The following DYNC2H1 variants were observed in gnomAD, a reference collection of about 807,000 sequenced individuals.
DYNC2H1 encodes the protein cytoplasmic dynein 2 heavy chain 1.
DYNC2H1 carries 410 observed loss-of-function variants against 570.0 expected under a neutral mutation model. The observed-to-expected ratio is 0.72, with a 90% confidence interval of 0.66 to 0.78. The LOEUF (loss-of-function observed/expected upper bound fraction) is 0.78. Among genes scored for constraint, DYNC2H1 ranks in the 30% least tolerant of loss-of-function variants. The pLI is 0.00. For missense variants in DYNC2H1, 4,865 were observed against 5,046.4 expected, an observed-to-expected ratio of 0.96 and a Z score of 1.09; for synonymous variants, 1,688 against 1,677.6, an observed-to-expected ratio of 1.01 and a Z score of -0.15.
chr11:103,303,104 G>A lies in DYNC2H1; in HGVS notation c.11107G>A (p.Val3703Met). The stretch of plus-strand genomic sequence containing the variant: ...AATATATATTTTAGGACTGAAAGAG[G>A]TGTCCCCACTGCCTCTAAATCTCAA... ...FACKTLGLKE[V>M]SPLPLNLKRL... Residue 3703 changes from valine to methionine, a missense_variant, in exon 76 of 89, where the codon GTG becomes ATG. Coordinates refer to ENST00000375735, the MANE Select transcript of DYNC2H1 (RefSeq NM_001377.3). 2 of 1,558,580 alleles carry A rather than the reference G, an allele frequency of 1.3e-6. No individual in the cohort carries two copies. The highest frequency in any genetic ancestry group is 1.7e-6 in the Non-Finnish European group (2 of 1,151,910).
intron 85 of DYNC2H1, among the ~76,000 whole-genome samples, chr11:103,450,891 C>G (rs1187040266): frequency 1.3e-5 from 2 of 152,080 alleles, no homozygotes; most frequent in African/African-American, 2.4e-5. Flanking sequence ...CCATATTTTT[C>G]TATGTATTTA....
At chr11:103,150,085 G>A (rs1860461080) in intron 20 of DYNC2H1, among the ~76,000 whole-genome samples, 1 of 152,186 alleles carries the variant, frequency 6.6e-6, no homozygotes, top group Non-Finnish European at 1.5e-5. Context: ...TATTAAAAGA[G>A]CATAGTATTC....
Position 103,280,547 on chromosome 11 carries a change from G to A in DYNC2H1, c.10761+134G>A, listed in dbSNP as rs546908962. On this transcript the variant is annotated intron_variant, in intron 71 of 88. Transcript: ENST00000375735. This position sits in a 1 kb window ranked among gnomAD's most constrained non-coding sequence, Gnocchi z 4.7. ...ATTAATCTTTTACTAAGTTAGAAAT[G>A]TAGTATAAAATGGTGATTCCTAGTT... The A allele has an allele frequency of 3.6e-4, 292 of 819,472 alleles. 1 individual carries two copies. The highest frequency in any genetic ancestry group is 4.4e-4 in the Admixed American group (19 of 43,292). The allele number at this position is 819,472 out of a possible 1,614,324, so 50.8% of individuals were successfully genotyped here.
rs1864593568 is a variant in DYNC2H1 at position 103,245,867 on chromosome 11, C to T, written c.10042+493C>T. 6.6e-6 allele frequency among the ~76,000 whole-genome samples: 1 copy of T among 152,100 alleles called. No individual in the cohort carries two copies. The highest frequency in any genetic ancestry group is 1.5e-5 in the Non-Finnish European group (1 of 67,990). ...AGCCCAGTCTTGGATGATTAGAAGG[C>T]TATGCCTTGAAACTTAAAGAGCATA... On this transcript the variant is annotated intron_variant, in intron 65 of 88. Coordinates refer to ENST00000375735, the MANE Select transcript of DYNC2H1 (RefSeq NM_001377.3). The surrounding 1 kb of genome is among the most constrained non-coding windows in gnomAD (Gnocchi z 4.5).
chr11:103,476,034 T>C (rs984854277), intron 88 of DYNC2H1, among the ~76,000 whole-genome samples: 1 of 152,212 alleles, frequency 6.6e-6, no homozygotes, highest in African/African-American at 2.4e-5. Flanking sequence ...TTCAGATCAC[T>C]TCAGTCTAAC....
Position 103,383,241 on chromosome 11 carries a change from T to C in DYNC2H1, c.12157-16422T>C, listed in dbSNP as rs529368366. ...GAAGTTCCTTTTCCTCTATTCCTGCTTCACGTTCTTGTATAGAAATTCCAC... is the reference window on the plus strand; with the variant it reads ...GAAGTTCCTTTTCCTCTATTCCTGCCTCACGTTCTTGTATAGAAATTCCAC... On this transcript the variant is annotated intron_variant, in intron 83 of 88. Coordinates refer to ENST00000375735, the MANE Select transcript of DYNC2H1 (RefSeq NM_001377.3). 2.0e-5 allele frequency among the ~76,000 whole-genome samples: 3 copies of C among 152,306 alleles called. No homozygotes were observed. The East Asian group carries it at 5.8e-4, about 29-fold the overall frequency.
intron 78 of DYNC2H1, among the ~76,000 whole-genome samples, chr11:103,309,237 C>T (rs754582891): frequency 1.2e-4 from 15 of 127,136 alleles, no homozygotes; most frequent in Non-Finnish European, 1.3e-4. Flanking sequence ...TGCAGTGATG[C>T]TATCACAGCT....
chr11:103,216,559 A>T (rs1863391995), intron 55 of DYNC2H1, among the ~76,000 whole-genome samples: 1 of 152,100 alleles, frequency 6.6e-6, no homozygotes, highest in Non-Finnish European at 1.5e-5. Flanking sequence ...TGGGAAGCCG[A>T]GTGGGAAGAT....
At chr11:103,274,434 A>G (rs1865830245) in intron 70 of DYNC2H1, among the ~76,000 whole-genome samples, 2 of 152,186 alleles carry the variant, frequency 1.3e-5, no homozygotes, top group Admixed American at 1.3e-4. Context: ...ATATCATTAA[A>G]TGATAACGTT....
chr11:103,402,175 A>C (rs886459478), intron 84 of DYNC2H1: 2 of 152,188 alleles, frequency 1.3e-5, no homozygotes, highest in Non-Finnish European at 2.9e-5. Flanking sequence ...CCCTGATGCA[A>C]GTAATACAGA....
In DYNC2H1 at chr11:103,461,366, C is replaced by T. The variant is rs76029510; in HGVS notation, c.12648+5010C>T. Among the ~76,000 whole-genome samples the T allele has an allele frequency of 0.023, 3,528 of 152,152 alleles. 84 individuals carry two copies. Among genetic ancestry groups the T allele is most frequent in the African/African-American group, 0.055 (2,295 of 41,500 alleles). On this transcript the variant is annotated intron_variant, in intron 87 of 88. Transcript: ENST00000375735. This position sits in a 1 kb window ranked among gnomAD's most constrained non-coding sequence, Gnocchi z 4.8. ...ACAGTGAGGCTGTAGTTCTCCAAAC[C>T]GATCAATATCTTAAACCCTTTAGAC... is the stretch of plus-strand genomic sequence containing the variant.
At chr11:103,354,177 AAAAC>A (rs1166693776) in intron 82 of DYNC2H1, among the ~76,000 whole-genome samples, 6 of 127,432 alleles carry the variant, frequency 4.7e-5, no homozygotes, top group African/African-American at 6.6e-5. Context: ...GCTCTGTCTC[AAAAC>A]AAAAAAAAAA....
Position 103,205,093 on chromosome 11 carries a change from GAAA to G in DYNC2H1, c.8454+130_8454+132del. ...TGGCACCAAACATCTCTTATGTTTGGAAATGTCTGTTTTCTTCGTACTCTTGCA... is the reference window on the plus strand; with the variant it reads ...TGGCACCAAACATCTCTTATGTTTGGTGTCTGTTTTCTTCGTACTCTTGCA... On this transcript the variant is annotated intron_variant, in intron 52 of 88. Transcript: ENST00000375735. This position sits in a 1 kb window ranked among gnomAD's most constrained non-coding sequence, Gnocchi z 4.5. 2.4e-6 allele frequency: 2 copies of G among 820,766 alleles called. No homozygotes were observed. Among genetic ancestry groups the G allele is most frequent in the Non-Finnish European group, 3.6e-6 (2 of 553,256 alleles). 50.8% of individuals were successfully genotyped at this position (820,766 alleles called of 1,614,324 possible). A position where few individuals can be genotyped will look rare whatever the true frequency, so the allele number is the denominator to read the frequency against.
intron 87 of DYNC2H1, among the ~76,000 whole-genome samples, chr11:103,458,007 ATTT>A (rs1344653748): frequency 6.6e-6 from 1 of 152,198 alleles, no homozygotes; most frequent in East Asian, 1.9e-4. Context: ...GAAGAAAATT[ATTT>A]TTAACAAATT....
intron 40 of DYNC2H1, among the ~76,000 whole-genome samples, chr11:103,183,475 C>T (rs566171302): frequency 2.0e-5 from 3 of 151,842 alleles, no homozygotes; most frequent in South Asian, 2.1e-4. Context: ...GAGGTCACAC[C>T]GCTGTTTGTT....
chr11:103,127,298 A>T (rs542907311), intron 12 of DYNC2H1, among the ~76,000 whole-genome samples: 1 of 152,236 alleles, frequency 6.6e-6, no homozygotes, highest in Non-Finnish European at 1.5e-5. Context: ...TGGAAGAACA[A>T]CTGGGAAAAT....
chr11:103,302,125 A>T (rs2015193), intron 75 of DYNC2H1, among the ~76,000 whole-genome samples: 47,175 of 151,908 alleles, frequency 0.31, 7,705 homozygotes, highest in Non-Finnish European at 0.36. Flanking sequence ...TCTGAATAGG[A>T]CTTTATAGTT....
intron 84 of DYNC2H1, among the ~76,000 whole-genome samples, chr11:103,423,224 T>G (rs1174426923): frequency 6.7e-6 from 1 of 150,270 alleles, no homozygotes; most frequent in African/African-American, 2.4e-5. Flanking sequence ...AATCAATGGA[T>G]TGGAATGGAT....
intron 84 of DYNC2H1, chr11:103,406,770 G>A (rs1942880457): frequency 6.6e-6 from 1 of 151,604 alleles, no homozygotes; most frequent in Non-Finnish European, 1.5e-5. Context: ...CACCATAATG[G>A]ATAAAATTGT....
Sources: gnomAD v4.1 joint callset for allele counts (sites outside exome capture counted in the v4.1 genomes callset) on GRCh38, gnomAD v4.1.1 for gene constraint, Gnocchi (gnomAD v3.1) non-coding constraint, MANE v1.5 for transcripts, NCBI Gene and HGNC (gene_info 2026-07-23, HGNC 2026-07-21) for gene names.